CLDN16: variants seen among roughly 807,000 people sequenced by gnomAD.
CLDN16 encodes claudin-16.
A neutral mutation model predicts 24.6 loss-of-function variants in CLDN16; 13 were observed. That is an observed-to-expected ratio of 0.53 (90% CI 0.34 to 0.84). The LOEUF (loss-of-function observed/expected upper bound fraction) is 0.84. Ranked by LOEUF, CLDN16 falls within the 40% of genes least tolerant of loss-of-function variation. The probability of loss-of-function intolerance (pLI) is 0.01; values close to 1 mark genes in which losing one functional copy is unlikely to be tolerated. For synonymous variants in CLDN16, 116 were observed against 106.7 expected, an observed-to-expected ratio of 1.09 and a Z score of -0.54; for missense variants, 298 against 292.7, an observed-to-expected ratio of 1.02 and a Z score of -0.13.
intron 2 of CLDN16, among the ~76,000 whole-genome samples, chr3:190,372,640 C>A (rs1054770544): frequency 6.6e-6 from 1 of 151,822 alleles, no homozygotes; most frequent in African/African-American, 2.4e-5. Flanking sequence ...CAAGACTAGG[C>A]CTCTAACTAA....
intron 1 of CLDN16, among the ~76,000 whole-genome samples, chr3:190,402,001 AATG>A (rs1242119385): frequency 6.6e-6 from 1 of 152,090 alleles, no homozygotes; most frequent in African/African-American, 2.4e-5. Context: ...AGTGACATGA[AATG>A]ATGTTTTTCC....
chr3:190,382,509 G>C (rs1229895211), intron 3 of CLDN16, among the ~76,000 whole-genome samples: 3 of 152,068 alleles, frequency 2.0e-5, no homozygotes, highest in Admixed American at 1.3e-4. Flanking sequence ...TTCCCATCAT[G>C]AACTGATTCA....
chr3:190,305,033 T>G, the CLDN16 span, among the ~76,000 whole-genome samples: 1 of 152,238 alleles, frequency 6.6e-6, no homozygotes, highest in African/African-American at 2.4e-5. Flanking sequence ...TGGCCTTACC[T>G]TCAGATATTT....
intron 1 of CLDN16, among the ~76,000 whole-genome samples, chr3:190,391,040 G>C (rs1718645323): frequency 1.3e-5 from 2 of 152,030 alleles, no homozygotes; most frequent in African/African-American, 2.4e-5. Context: ...TCTTGCCTCG[G>C]CCTCCTAAAG....
At chr3:190,307,950 TA>T in the CLDN16 span, 1 of 208,908 alleles carries the variant, frequency 4.8e-6, no homozygotes, top group Admixed American at 5.3e-5. Flanking sequence ...TTTTACTGTC[TA>T]TTTTTAATAG....
At chr3:190,398,086 G>A (rs568854995) in intron 1 of CLDN16, among the ~76,000 whole-genome samples, 9 of 152,200 alleles carry the variant, frequency 5.9e-5, no homozygotes, top group Non-Finnish European at 1.2e-4. Flanking sequence ...CCTAGCTTGA[G>A]CTAAAGTGAA....
intron 1 of CLDN16, among the ~76,000 whole-genome samples, chr3:190,366,225 T>G (rs1023037276): frequency 6.6e-6 from 1 of 151,952 alleles, no homozygotes; most frequent in Non-Finnish European, 1.5e-5. Context: ...TTTTAGGCTT[T>G]CATTTTCTTT....
intron 1 of CLDN16, 121 bp downstream of exon 1, chr3:190,388,564 T>C: frequency 1.2e-6 from 1 of 825,568 alleles, no homozygotes. Flanking sequence ...ATAGGCAACA[T>C]GGACTATTTA....
intron 1 of CLDN16, among the ~76,000 whole-genome samples, chr3:190,365,248 T>C (rs1717995538): frequency 1.3e-5 from 2 of 151,834 alleles, no homozygotes; most frequent in South Asian, 4.2e-4. Flanking sequence ...GGATTCTCTG[T>C]TGTTACCAGA....
chr3:190,345,562 T>C (rs1027072428), intron 1 of CLDN16, among the ~76,000 whole-genome samples: 2 of 152,206 alleles, frequency 1.3e-5, no homozygotes, highest in African/African-American at 4.8e-5. Context: ...ATATTTATTT[T>C]TTACAGGCCT....
chr3:190,361,137 G>C (rs1259317611), intron 1 of CLDN16, among the ~76,000 whole-genome samples: 1 of 151,942 alleles, frequency 6.6e-6, no homozygotes, highest in African/African-American at 2.4e-5. Flanking sequence ...GTAATAATAT[G>C]ATTTCATTCT....
intron 1 of CLDN16, among the ~76,000 whole-genome samples, chr3:190,351,136 T>C (rs544439503): frequency 6.6e-6 from 1 of 151,500 alleles, no homozygotes; most frequent in South Asian, 2.1e-4. Flanking sequence ...GGTCCCTCTC[T>C]TGCCATATAG....
At chr3:190,395,075 C>A (rs919111177) in intron 1 of CLDN16, among the ~76,000 whole-genome samples, 3 of 152,140 alleles carry the variant, frequency 2.0e-5, no homozygotes, top group African/African-American at 7.2e-5. Flanking sequence ...ATAATCATTA[C>A]AAAGTTGTAA....
chr3:190,312,985 A>C, the CLDN16 span: 1 of 1,613,982 alleles, frequency 6.2e-7, no homozygotes, highest in Non-Finnish European at 8.5e-7. Context: ...GATTGCTATC[A>C]CTCCCAGGAG....
At chr3:190,398,116 G>A (rs188223303) in intron 1 of CLDN16, among the ~76,000 whole-genome samples, 79 of 152,242 alleles carry the variant, frequency 5.2e-4, no homozygotes, top group Non-Finnish European at 1.8e-4. Context: ...GCGTGTTCCT[G>A]TTCATTAAGA....
rs371258878 is a variant in CLDN16 at position 190,408,364 on chromosome 3, G to A, written c.433G>A (p.Glu145Lys). ...GTGGTATGCTGTTGATGTGTATGTG[G>A]AACGTTCTACTTTGGTTTTGCACAA... ...SVWYAVDVYVERSTLVLHNIF... is the reference protein window; with the variant it reads ...SVWYAVDVYVKRSTLVLHNIF... Residue 145 changes from glutamate to lysine, a missense_variant, in exon 4 of 5, where the codon GAA becomes AAA. Transcript: ENST00000264734. 1 of 1,614,132 alleles carries A rather than the reference G, an allele frequency of 6.2e-7. No homozygotes were observed. The highest frequency in any genetic ancestry group is 8.5e-7 in the Non-Finnish European group (1 of 1,180,016).
chr3:190,358,200 T>C (rs910603436), intron 1 of CLDN16, among the ~76,000 whole-genome samples: 1 of 151,770 alleles, frequency 6.6e-6, no homozygotes, highest in Admixed American at 6.6e-5. Context: ...GGAGAAATGC[T>C]TTTTTTTCTT....
the CLDN16 span, among the ~76,000 whole-genome samples, chr3:190,304,410 T>A: frequency 3.3e-5 from 5 of 152,192 alleles, no homozygotes; most frequent in African/African-American, 1.2e-4. Flanking sequence ...GCTGGCCCTG[T>A]GATAGGTGTC....
the CLDN16 span, among the ~76,000 whole-genome samples, chr3:190,290,486 G>A: frequency 6.6e-6 from 1 of 152,068 alleles, no homozygotes; most frequent in Admixed American, 6.6e-5. Context: ...AGTCCTAGGT[G>A]GAAGACAATT....
Sources: allele counts gnomAD v4.1 joint callset (sites outside exome capture counted in the v4.1 genomes callset), GRCh38; gene constraint gnomAD v4.1.1; transcripts MANE v1.5; gene names NCBI Gene and HGNC (gene_info 2026-07-23, HGNC 2026-07-21).